USP31: variants seen among roughly 807,000 people sequenced by gnomAD.
USP31 encodes ubiquitin specific peptidase 31.
In USP31, 44 loss-of-function variants were observed where a neutral mutation model predicts 119.4. The ratio of observed to expected loss-of-function variants is 0.37; its 90% CI spans 0.29 to 0.47. The LOEUF (loss-of-function observed/expected upper bound fraction) is 0.47, where lower values mean the gene tolerates loss of function less well. Among genes scored for constraint, USP31 ranks in the 20% least tolerant of loss-of-function variants. USP31 has a pLI of 0.99. For missense variants in USP31, 1,643 were observed against 1,730.2 expected, an observed-to-expected ratio of 0.95 and a Z score of 0.89; for synonymous variants, 749 against 705.6, an observed-to-expected ratio of 1.06 and a Z score of -0.97.
chr16:23,076,467 G>T (rs1455398733), intron 13 of USP31, among the ~76,000 whole-genome samples: 1 of 152,098 alleles, frequency 6.6e-6, no homozygotes, highest in Admixed American at 6.5e-5. Flanking sequence ...CACATCCTGG[G>T]TAATGGGTTC....
intron 13 of USP31, among the ~76,000 whole-genome samples, chr16:23,075,875 A>G (rs1181164815): frequency 2.0e-5 from 3 of 152,206 alleles, no homozygotes; most frequent in African/African-American, 7.2e-5. Flanking sequence ...TGCTTGAGAT[A>G]TGGAGTTCGA....
rs1175988793 is a variant in USP31 at position 23,149,165 on chromosome 16, C to T, written c.106G>A (p.Gly36Ser). The T allele has an allele frequency of 8.6e-7, 1 of 1,166,178 alleles. No individual in the cohort carries two copies. Among genetic ancestry groups the T allele is most frequent in the Non-Finnish European group, 1.1e-6 (1 of 942,212 alleles). The allele number at this position is 1,166,178 out of a possible 1,614,324, so 72.2% of individuals were successfully genotyped here. A position where few individuals can be genotyped will look rare whatever the true frequency, so the allele number is the denominator to read the frequency against. Residue 36 changes from glycine (G) to serine (S), a missense_variant, in exon 1 of 16, where the codon GGC (glycine) becomes AGC (serine). By Grantham distance (56) the Gly-to-Ser change is moderately conservative (BLOSUM62 0). Around this residue, in one of 5 missense-constraint regions of USP31, gnomAD observed 302 missense variants for 262.6 expected, o/e 1.15. Transcript: ENST00000219689. ...RLFRSGRAGGGGAGGPGASGP... is the reference protein window; with the variant it reads ...RLFRSGRAGGSGAGGPGASGP... Reference sequence around the variant, plus strand: ...GACGCCCCGGGGCCCCCCGCGCCGCCGCCGCCAGCGCGGCCGCTCCGAAAC... The same window carrying T: ...GACGCCCCGGGGCCCCCCGCGCCGCTGCCGCCAGCGCGGCCGCTCCGAAAC...
At chr16:23,125,009 A>G (rs1355091158) in intron 1 of USP31, among the ~76,000 whole-genome samples, 1 of 152,224 alleles carries the variant, frequency 6.6e-6, no homozygotes, top group Non-Finnish European at 1.5e-5. Flanking sequence ...ACTTCTCATC[A>G]GCACTTAACT....
chr16:23,148,095 T>C (rs751587052), intron 1 of USP31, among the ~76,000 whole-genome samples: 30 of 152,196 alleles, frequency 2.0e-4, no homozygotes, highest in Non-Finnish European at 3.8e-4. Flanking sequence ...ATTTTACTTA[T>C]CAGGTTGAAC....
intron 5 of USP31, among the ~76,000 whole-genome samples, chr16:23,102,988 C>G (rs965668993): frequency 4.6e-5 from 7 of 152,156 alleles, no homozygotes; most frequent in African/African-American, 1.7e-4. Context: ...GGGATTAAAG[C>G]ACTGTGGATT....
rs1302450395 is a variant in USP31, at chr16:23,081,098, G to A, written c.1951-927C>T. 2.0e-5 allele frequency among the ~76,000 whole-genome samples: 3 copies of A among 152,226 alleles called. No homozygotes were observed. The East Asian group carries it at 5.8e-4, about 29-fold the overall frequency. On this transcript the variant is annotated intron_variant, in intron 12 of 15. Transcript: ENST00000219689. ...CAGCACGCTGTCTGACAGCAAGAATGGGGAGGGGACACACAGGAGTCGATG... is the reference window on the plus strand; with the variant it reads ...CAGCACGCTGTCTGACAGCAAGAATAGGGAGGGGACACACAGGAGTCGATG...
Position 23,087,847 on chromosome 16 carries a change from C to A in USP31, c.1416-12G>T, listed in dbSNP as rs377292358. 1.2e-6 allele frequency: 2 copies of A among 1,605,012 alleles called. No individual in the cohort carries two copies. Among genetic ancestry groups the A allele is most frequent in the African/African-American group, 2.7e-5 (2 of 74,752 alleles). On this transcript the variant is annotated splice_polypyrimidine_tract_variant and intron_variant, in intron 7 of 15. Coordinates refer to ENST00000219689, the MANE Select transcript of USP31 (RefSeq NM_020718.4). ...AAGGCAGTCCAAATCTAACACACAT[C>A]AACAATGTAATCACCTTTAAAGTAC... is the stretch of plus-strand genomic sequence containing the variant.
chr16:23,143,946 GAAAC>G (rs943882515), intron 1 of USP31, among the ~76,000 whole-genome samples: 10 of 152,196 alleles, frequency 6.6e-5, no homozygotes, highest in South Asian at 2.1e-4. Flanking sequence ...CTAAGAGTAG[GAAAC>G]AAACAAACAA....
chr16:23,087,709 A>T lies in USP31; in HGVS notation c.1527+15T>A. The T allele has an allele frequency of 3.7e-6, 6 of 1,610,924 alleles. No homozygotes were observed. The highest frequency in any genetic ancestry group is 5.1e-6 in the Non-Finnish European group (6 of 1,177,214). ...TATACCCATGCTATGCTGGAATATC[A>T]AAATGCTTACAAACCTGAATGCAAA... On this transcript the variant is annotated intron_variant, in intron 8 of 15. Coordinates refer to ENST00000219689, the MANE Select transcript of USP31 (RefSeq NM_020718.4).
At chr16:23,078,353 T>C (rs888455536) in intron 13 of USP31, among the ~76,000 whole-genome samples, 2 of 150,572 alleles carry the variant, frequency 1.3e-5, no homozygotes, top group Non-Finnish European at 3.0e-5. Context: ...AAATTAAGTG[T>C]CCACATCAAG....
intron 1 of USP31, among the ~76,000 whole-genome samples, chr16:23,147,922 C>T (rs1596743665): frequency 6.6e-6 from 1 of 152,232 alleles, no homozygotes; most frequent in East Asian, 1.9e-4. Flanking sequence ...CAGAGCAAGA[C>T]CCTGTCTCTA....
intron 1 of USP31, among the ~76,000 whole-genome samples, chr16:23,115,363 A>G (rs1399132799): frequency 5.3e-5 from 8 of 152,216 alleles, no homozygotes; most frequent in Admixed American, 2.0e-4. Flanking sequence ...ATTTCTATAG[A>G]AAATAGAATG....
intron 1 of USP31, among the ~76,000 whole-genome samples, chr16:23,133,245 G>A (rs971633603): frequency 6.6e-6 from 1 of 152,066 alleles, no homozygotes; most frequent in African/African-American, 2.4e-5. Flanking sequence ...GTCCTCAAGT[G>A]AGGTCTGACC....
At chr16:23,145,676 G>C (rs1303972709) in intron 1 of USP31, among the ~76,000 whole-genome samples, 1 of 152,162 alleles carries the variant, frequency 6.6e-6, no homozygotes, top group Non-Finnish European at 1.5e-5. Context: ...GCCAATGATA[G>C]CTAAAAAGAC....
At chr16:23,126,860 TAA>T (rs1231868869) in intron 1 of USP31, among the ~76,000 whole-genome samples, 1 of 152,072 alleles carries the variant, frequency 6.6e-6, no homozygotes, top group East Asian at 1.9e-4. Context: ...TTTATCTAAA[TAA>T]GAGAGAACAT....
intron 9 of USP31, 87 bp downstream of exon 9, chr16:23,087,005 T>C (rs991561523): frequency 6.0e-5 from 60 of 1,007,192 alleles, no homozygotes; most frequent in Middle Eastern, 4.6e-4. Context: ...TGCACACTTA[T>C]GTGGAAATTA....
intron 1 of USP31, among the ~76,000 whole-genome samples, chr16:23,133,032 A>G (rs1400513169): frequency 6.6e-6 from 1 of 152,176 alleles, no homozygotes; most frequent in Non-Finnish European, 1.5e-5. Flanking sequence ...AGCCCAATCC[A>G]CTATGAAGCA....
chr16:23,070,310 G>A (rs1900291338), intron 15 of USP31, among the ~76,000 whole-genome samples: 1 of 152,198 alleles, frequency 6.6e-6, no homozygotes, highest in South Asian at 2.1e-4. Context: ...AATTCCACAT[G>A]TAAGCTGGCC....
chr16:23,121,230 C>A (rs543007041), intron 1 of USP31, among the ~76,000 whole-genome samples: 2 of 152,286 alleles, frequency 1.3e-5, no homozygotes, highest in South Asian at 4.1e-4. Context: ...GAGACGCTTG[C>A]AAGTCACAGA....
Sources: gnomAD v4.1 joint callset for allele counts (sites outside exome capture counted in the v4.1 genomes callset) on GRCh38, gnomAD v4.1.1 for gene constraint, gnomAD v4.1.1 regional missense constraint, MANE v1.5 for transcripts, NCBI Gene and HGNC (gene_info 2026-07-23, HGNC 2026-07-21) for gene names.